The following THSD7A variants were observed in gnomAD, a reference collection of about 807,000 sequenced individuals.
THSD7A encodes the protein thrombospondin type-1 domain-containing protein 7A.
A neutral mutation model predicts 231.3 loss-of-function variants in THSD7A; 96 were observed. That is an observed-to-expected ratio of 0.41 (90% CI 0.35 to 0.49). The LOEUF (loss-of-function observed/expected upper bound fraction) is 0.49. THSD7A is among the 20% of genes least tolerant of loss of function. THSD7A has a pLI of 0.05. For synonymous variants in THSD7A, 940 were observed against 743.3 expected (o/e 1.26, Z -4.30); for missense variants, 2,290 against 2,070.2 (o/e 1.11, Z -2.06).
At chr7:11,480,172 AT>A (rs1476701957) in intron 7 of THSD7A, among the ~76,000 whole-genome samples, 1 of 152,238 alleles carries the variant, frequency 6.6e-6, no homozygotes, top group Admixed American at 6.5e-5. Context: ...ATTAAAAATT[AT>A]TGAAGCCCTA....
chr7:11,676,145 C>A (rs111555285), intron 1 of THSD7A, among the ~76,000 whole-genome samples: 1 of 152,168 alleles, frequency 6.6e-6, no homozygotes, highest in African/African-American at 2.4e-5. Flanking sequence ...GGACCTCCAG[C>A]AAACTCCAGC....
intron 4 of THSD7A, among the ~76,000 whole-genome samples, chr7:11,549,171 G>A (rs972489923): frequency 2.6e-5 from 4 of 152,094 alleles, no homozygotes; most frequent in African/African-American, 4.8e-5. Flanking sequence ...TTAGAGAAAC[G>A]CAAATTAAAA....
At chr7:11,755,936 C>A (rs940778077) in intron 1 of THSD7A, among the ~76,000 whole-genome samples, 2 of 152,036 alleles carry the variant, frequency 1.3e-5, no homozygotes, top group Admixed American at 1.3e-4. Flanking sequence ...CGTATACATT[C>A]TAAAAGTAGT....
intron 6 of THSD7A, among the ~76,000 whole-genome samples, chr7:11,520,378 T>A: frequency 6.6e-6 from 1 of 152,190 alleles, no homozygotes; most frequent in Non-Finnish European, 1.5e-5. Flanking sequence ...GCCTGACACA[T>A]AATATTGGCT....
At chr7:11,587,811 A>G (rs1336648178) in intron 4 of THSD7A, among the ~76,000 whole-genome samples, 4 of 152,178 alleles carry the variant, frequency 2.6e-5, no homozygotes, top group Admixed American at 6.5e-5. Context: ...CAATGCACCA[A>G]GTTAATAAAG....
intron 2 of THSD7A, among the ~76,000 whole-genome samples, chr7:11,612,929 C>T (rs1440298613): frequency 6.6e-6 from 1 of 152,098 alleles, no homozygotes; most frequent in East Asian, 1.9e-4. Context: ...AGGGCAGGAC[C>T]GTTTCACTAT....
Position 11,417,506 on chromosome 7 carries a change from G to A in THSD7A, c.3481C>T (p.Pro1161Ser). ...MPLGSRVCKL[P>S]CPEDCVISEW... ...GATATCACACAGTCCTCAGGGCATG[G>A]TAATTTGCACACTCTAGAGCCCAGG... The change falls in exon 17 of 28, where the codon CCA (proline) becomes TCA (serine). Residue 1161 changes from proline (P) to serine (S), a missense_variant. Transcript: ENST00000423059. 1 of 1,613,696 alleles carries A rather than the reference G, an allele frequency of 6.2e-7. No individual in the cohort carries two copies. Among genetic ancestry groups the A allele is most frequent in the Non-Finnish European group, 8.5e-7 (1 of 1,179,756 alleles).
At chr7:11,795,254 T>TACAC (rs780455677) in intron 1 of THSD7A, among the ~76,000 whole-genome samples, 141 of 151,962 alleles carry the variant, frequency 9.3e-4, no homozygotes, top group Non-Finnish European at 1.5e-3. Flanking sequence ...TGTGCACACA[T>TACAC]ACACACACAA....
intron 1 of THSD7A, among the ~76,000 whole-genome samples, chr7:11,650,464 A>T (rs1584147050): frequency 6.6e-6 from 1 of 152,074 alleles, no homozygotes; most frequent in African/African-American, 2.4e-5. Context: ...CTATATTTCC[A>T]CCCAGCAGAT....
At chr7:11,423,493 C>A (rs569808492) in intron 16 of THSD7A, among the ~76,000 whole-genome samples, 62 of 151,752 alleles carry the variant, frequency 4.1e-4, no homozygotes, top group African/African-American at 1.5e-3. Context: ...CTCAGCCTCC[C>A]GAGTAGCTGG....
At chr7:11,513,095 G>T (rs1787887184) in intron 6 of THSD7A, among the ~76,000 whole-genome samples, 1 of 151,562 alleles carries the variant, frequency 6.6e-6, no homozygotes, top group South Asian at 2.1e-4. Context: ...ACTAATAGGT[G>T]GGAGCTGAGC....
chr7:11,452,695 G>A (rs568801819), intron 11 of THSD7A, among the ~76,000 whole-genome samples: 3 of 151,966 alleles, frequency 2.0e-5, no homozygotes, highest in South Asian at 4.2e-4. Context: ...GACCCAGCAC[G>A]GTGCCAAGCT....
At chr7:11,620,796 C>T (rs999926773) in intron 2 of THSD7A, among the ~76,000 whole-genome samples, 1 of 152,190 alleles carries the variant, frequency 6.6e-6, no homozygotes, top group African/African-American at 2.4e-5. Flanking sequence ...CAGGGTAGAA[C>T]TAGCCTGTTT....
At chr7:11,499,407 C>A (rs942951415) in intron 6 of THSD7A, among the ~76,000 whole-genome samples, 1 of 152,182 alleles carries the variant, frequency 6.6e-6, no homozygotes, top group Non-Finnish European at 1.5e-5. Flanking sequence ...GAAATATAAA[C>A]ACCAAGATTT....
intron 1 of THSD7A, among the ~76,000 whole-genome samples, chr7:11,796,517 A>G (rs1784130586): frequency 6.6e-6 from 1 of 151,934 alleles, no homozygotes; most frequent in African/African-American, 2.4e-5. Flanking sequence ...TCCATCCAGA[A>G]TACAGCATAT....
At chr7:11,386,233 G>T (rs1002010309) in intron 23 of THSD7A, among the ~76,000 whole-genome samples, 1 of 152,166 alleles carries the variant, frequency 6.6e-6, no homozygotes, top group Non-Finnish European at 1.5e-5. Context: ...TATATACCCA[G>T]TAATGGGATT....
intron 23 of THSD7A, among the ~76,000 whole-genome samples, chr7:11,392,922 G>C (rs906884463): frequency 2.0e-5 from 3 of 152,208 alleles, no homozygotes; most frequent in African/African-American, 7.2e-5. Context: ...CCCTGGGATA[G>C]GATAGAGCAC....
Position 11,636,536 on chromosome 7 carries a change from A to AT in THSD7A, c.615dup (p.Cys206MetfsTer76). The AT allele has an allele frequency of 6.2e-7, 1 of 1,613,990 alleles. No individual in the cohort carries two copies. Among genetic ancestry groups the AT allele is most frequent in the Non-Finnish European group, 8.5e-7 (1 of 1,179,900 alleles). ...AGCCCGCTGCCGCAGGTCTTGGAGCATTCGGACCAGGCAGAAAATTCAGAC... is the reference window on the plus strand; with the variant it reads ...AGCCCGCTGCCGCAGGTCTTGGAGCATTTCGGACCAGGCAGAAAATTCAGAC... On this transcript the variant is annotated frameshift_variant, in exon 2 of 28. Transcript: ENST00000423059. LOFTEE classifies it high-confidence loss of function. The surrounding 1 kb of genome is among the most constrained non-coding windows in gnomAD (Gnocchi z 10.0).
chr7:11,441,930 A>G (rs950338471), intron 13 of THSD7A, among the ~76,000 whole-genome samples: 22 of 152,034 alleles, frequency 1.4e-4, no homozygotes, highest in Admixed American at 1.4e-3. Context: ...ATGTATACCT[A>G]TGTAACAAAC....
Sources: gnomAD v4.1 joint callset for allele counts (sites outside exome capture counted in the v4.1 genomes callset) on GRCh38, gnomAD v4.1.1 for gene constraint, Gnocchi (gnomAD v3.1) non-coding constraint, MANE v1.5 for transcripts, NCBI Gene and HGNC (gene_info 2026-07-23, HGNC 2026-07-21) for gene names.